The following PSCA variants were observed in gnomAD, a reference collection of about 807,000 sequenced individuals.
The protein encoded by PSCA is prostate stem cell antigen.
In PSCA, 7 loss-of-function variants were observed where a neutral mutation model predicts 7.9. The ratio of observed to expected loss-of-function variants is 0.89; its 90% CI spans 0.51 to 1.67. The LOEUF (loss-of-function observed/expected upper bound fraction) is 1.67, where lower values mean the gene tolerates loss of function less well. PSCA is among the 40% of genes most tolerant of loss of function. The pLI is 0.00. For synonymous variants in PSCA, 61 were observed against 68.3 expected (o/e 0.89, Z 0.53); for missense variants, 151 against 147.9 (o/e 1.02, Z -0.11).
chr8:142,681,995 G>A lies in PSCA; in HGVS notation c.208G>A (p.Val70Met), dbSNP rs782260537. 10 of 1,611,902 alleles carry A rather than the reference G, an allele frequency of 6.2e-6. No individual in the cohort carries two copies. The highest frequency in any genetic ancestry group is 1.7e-5 in the Admixed American group (1 of 59,754). The change falls in exon 3 of 3, where the codon GTG (valine) becomes ATG (methionine). Residue 70 changes from valine (V) to methionine (M), a missense_variant. Transcript: ENST00000301258. ...CGTGGATGACTCACAGGACTACTAC[G>A]TGGGCAAGAAGAACATCACGTGCTG... is the stretch of plus-strand genomic sequence containing the variant. ...NCVDDSQDYYVGKKNITCCDT... is the reference protein window; with the variant it reads ...NCVDDSQDYYMGKKNITCCDT...
chr8:142,671,877 A>C (rs1847335453), intron 1 of PSCA, among the ~76,000 whole-genome samples: 1 of 150,172 alleles, frequency 6.7e-6, no homozygotes, highest in African/African-American at 2.4e-5. Context: ...GCACCCTCCC[A>C]CCCTCTGGTT....
intron 1 of PSCA, among the ~76,000 whole-genome samples, chr8:142,672,168 G>C (rs1182358334): frequency 6.6e-6 from 1 of 152,006 alleles, no homozygotes; most frequent in South Asian, 2.1e-4. Flanking sequence ...AGCTCACCTT[G>C]CTATTCACTC....
In PSCA at chr8:142,680,501, C is replaced by T. The variant is rs1554638178; in HGVS notation, c.-38C>T. The T allele has an allele frequency of 6.4e-7, 1 of 1,552,296 alleles. No individual in the cohort carries two copies. Among genetic ancestry groups the T allele is most frequent in the South Asian group, 1.2e-5 (1 of 84,082 alleles). On this transcript the variant is annotated 5_prime_UTR_variant, in exon 1 of 3. Transcript: ENST00000301258. The stretch of plus-strand genomic sequence containing the variant: ...ACCTGAGGCCCTCTCCACCACAGCC[C>T]ACCAGTGACCACGAAGGCTGTGCTG...
At chr8:142,680,936 C>G in intron 1 of PSCA, 2 of 462,004 alleles carry the variant, frequency 4.3e-6, no homozygotes, top group Non-Finnish European at 7.9e-6. Context: ...TTTTGGGGCA[C>G]AAGGGGGAGG....
intron 1 of PSCA, among the ~76,000 whole-genome samples, chr8:142,672,514 G>A (rs1256674525): frequency 6.6e-6 from 1 of 152,186 alleles, no homozygotes; most frequent in African/African-American, 2.4e-5. Context: ...GGAACCCAAG[G>A]TCCCTGGACT....
chr8:142,672,467 G>A (rs1847344339), intron 1 of PSCA, among the ~76,000 whole-genome samples: 1 of 152,208 alleles, frequency 6.6e-6, no homozygotes, highest in South Asian at 2.1e-4. Context: ...CACAGAGGAG[G>A]CTGAGTCACG....
At chr8:142,681,231 C>A in intron 1 of PSCA, 96 bp from the exon 2 acceptor site, 1 of 891,250 alleles carries the variant, frequency 1.1e-6, no homozygotes, top group Non-Finnish European at 1.7e-6. Flanking sequence ...AGGACTTCCT[C>A]AGGCCACCGC....
intron 1 of PSCA, 144 bp downstream of exon 1, chr8:142,680,707 T>C: frequency 8.7e-7 from 1 of 1,150,276 alleles, no homozygotes; most frequent in South Asian, 1.4e-5. Context: ...TAGCCTCCGC[T>C]CCTCCAGGGA....
upstream of PSCA, among the ~76,000 whole-genome samples, chr8:142,679,610 T>C (rs187164287): frequency 6.6e-6 from 1 of 152,322 alleles, no homozygotes; most frequent in East Asian, 1.9e-4. Context: ...ATTGGTTTAG[T>C]CCAGAAAGGT....
Position 142,673,060 on chromosome 8 carries a change from CTGGCAT to C in PSCA, n.261+2494_261+2499del, listed in dbSNP as rs1847353965. On this transcript the variant is annotated intron_variant and non_coding_transcript_variant, in intron 1 of 1. Transcript: ENST00000505305. The surrounding 1 kb of genome is among the most constrained non-coding windows in gnomAD (Gnocchi z 4.6). ...TAGCTTTTTCCCATTGGCACAACTG[CTGGCAT>C]TCACGCGTGCAAGCTTCCAGCTTGC... Among the ~76,000 whole-genome samples, 1 of 152,168 alleles carries C rather than the reference CTGGCAT, an allele frequency of 6.6e-6. No individual in the cohort carries two copies. The highest frequency in any genetic ancestry group is 2.4e-5 in the African/African-American group (1 of 41,444).
chr8:142,681,405 TG>T lies in PSCA; in HGVS notation c.109del (p.Glu37SerfsTer14). The T allele has an allele frequency of 6.3e-7, 1 of 1,593,680 alleles. No individual in the cohort carries two copies. The highest frequency in any genetic ancestry group is 8.5e-7 in the Non-Finnish European group (1 of 1,170,410). ...DCLQVENCTQLGEQCWTARIR... is the reference protein window; with the variant it reads ...DCLQVENCTQXGEQCWTARIR... ...CTGCAGGTGGAGAACTGCACCCAGC[TG>T]GGGGAGCAGTGCTGGACCGCGCGCA... On this transcript the variant is annotated frameshift_variant, in exon 2 of 3. Transcript: ENST00000301258. LOFTEE classifies it low-confidence loss of function (END_TRUNC).
At position 142,673,900 on chromosome 8, in the gene PSCA, C is replaced by T. The variant is rs193153130; in HGVS notation, n.261+3332C>T. 6.7e-4 allele frequency among the ~76,000 whole-genome samples: 102 copies of T among 152,344 alleles called. No individual in the cohort carries two copies. The highest frequency in any genetic ancestry group is 1.2e-3 in the Non-Finnish European group (79 of 68,046). The stretch of plus-strand genomic sequence containing the variant: ...GCAAATCTTGTGGTCCCTGGAATAA[C>T]GGCTGGGAGTCGTTTCAGTCTAACC... On this transcript the variant is annotated intron_variant and non_coding_transcript_variant, in intron 1 of 1. Transcript: ENST00000505305. The surrounding 1 kb of genome is among the most constrained non-coding windows in gnomAD (Gnocchi z 4.6).
At chr8:142,676,658 G>A (rs1847404565), upstream of PSCA, 1 of 152,262 alleles carries the variant, frequency 6.6e-6, no homozygotes, top group East Asian at 1.9e-4. Flanking sequence ...GGAGGGATCA[G>A]AAAGAGAGGA....
Position 142,673,534 on chromosome 8 carries a change from A to G in PSCA, n.261+2966A>G, listed in dbSNP as rs1179814259. ...GATTTAGCAAGACAGGGGAATTGCC[A>G]TAGAGAAAGAGTTTAATTCATGCAG... On this transcript the variant is annotated intron_variant and non_coding_transcript_variant, in intron 1 of 1. Transcript: ENST00000505305. The surrounding 1 kb of genome is among the most constrained non-coding windows in gnomAD (Gnocchi z 4.6). 2.0e-5 allele frequency among the ~76,000 whole-genome samples: 3 copies of G among 152,244 alleles called. No individual in the cohort carries two copies. The highest frequency in any genetic ancestry group is 6.5e-5 in the Admixed American group (1 of 15,290).
At chr8:142,681,871 G>C (rs1554638395) in intron 2 of PSCA, 50 bp from the exon 3 acceptor site, 3 of 1,365,968 alleles carry the variant, frequency 2.2e-6, no homozygotes, top group Non-Finnish European at 3.0e-6. Flanking sequence ...GGCAGGTCAG[G>C]CAGGTGAGCA....
chr8:142,672,856 G>A (rs186526058), intron 1 of PSCA, among the ~76,000 whole-genome samples: 7 of 152,144 alleles, frequency 4.6e-5, no homozygotes, highest in African/African-American at 1.7e-4. Flanking sequence ...CCCACAGATT[G>A]GTATGACCAA....
chr8:142,672,816 T>A (rs906577929), intron 1 of PSCA, among the ~76,000 whole-genome samples: 6 of 152,214 alleles, frequency 3.9e-5, no homozygotes, highest in Non-Finnish European at 5.9e-5. Flanking sequence ...ATAGGCAGGC[T>A]TGAGGAGGCA....
At chr8:142,677,292 G>A (rs1361387376), upstream of PSCA, among the ~76,000 whole-genome samples, 7 of 152,164 alleles carry the variant, frequency 4.6e-5, no homozygotes, top group African/African-American at 1.2e-4. Context: ...TCAGTGCGGC[G>A]GATGCTGGGG....
chr8:142,681,792 C>T, intron 2 of PSCA, 129 bp from the exon 3 acceptor site: 1 of 708,324 alleles, frequency 1.4e-6, no homozygotes, highest in Non-Finnish European at 2.3e-6. Flanking sequence ...CCTCGCACTG[C>T]TTGCAATCCT....
Sources: allele counts gnomAD v4.1 joint callset (sites outside exome capture counted in the v4.1 genomes callset), GRCh38; gene constraint gnomAD v4.1.1; non-coding constraint Gnocchi (gnomAD v3.1); transcripts MANE v1.5; gene names NCBI Gene and HGNC (gene_info 2026-07-23, HGNC 2026-07-21).